CHN1: variants seen among roughly 807,000 people sequenced by gnomAD.
The protein encoded by CHN1 is chimerin 1.
In CHN1, 37 loss-of-function variants were observed where a neutral mutation model predicts 59.5. The ratio of observed to expected loss-of-function variants is 0.62; its 90% confidence interval spans 0.48 to 0.82. The LOEUF is 0.82. CHN1 is among the 40% of genes least tolerant of loss of function. The probability of loss-of-function intolerance (pLI) is 0.00; values close to 1 mark genes in which losing one functional copy is unlikely to be tolerated. For missense variants in CHN1, 469 were observed against 571.0 expected (o/e 0.82, Z 1.82); for synonymous variants, 206 against 200.4 (o/e 1.03, Z -0.24).
chr2:174,963,096 T>C (rs1268022374), intron 1 of CHN1, among the ~76,000 whole-genome samples: 2 of 152,202 alleles, frequency 1.3e-5, no homozygotes, highest in South Asian at 2.1e-4. Context: ...CACACAGAAA[T>C]GTTAAAATAA....
intron 5 of CHN1, among the ~76,000 whole-genome samples, chr2:174,906,634 A>G (rs1202378713): frequency 6.6e-6 from 1 of 151,006 alleles, no homozygotes; most frequent in East Asian, 1.9e-4. Context: ...ATATGAGAAC[A>G]TGCAAAAGCC....
At chr2:174,805,347 T>C (rs1213796198) in intron 11 of CHN1, among the ~76,000 whole-genome samples, 2 of 152,208 alleles carry the variant, frequency 1.3e-5, no homozygotes, top group African/African-American at 2.4e-5. Context: ...ATGTGCAAAC[T>C]CTAACATCCT....
chr2:174,810,432 A>G (rs759481790), intron 10 of CHN1, among the ~76,000 whole-genome samples: 3 of 152,122 alleles, frequency 2.0e-5, no homozygotes, highest in African/African-American at 7.2e-5. Flanking sequence ...TCTATACAGG[A>G]AACTGTGTCA....
intron 1 of CHN1, among the ~76,000 whole-genome samples, chr2:174,975,761 T>C (rs1415411690): frequency 6.6e-6 from 1 of 151,964 alleles, no homozygotes; most frequent in Non-Finnish European, 1.5e-5. Context: ...ATATCCCAGG[T>C]TCATACATGA....
chr2:174,945,157 A>C (rs757709079), intron 2 of CHN1: 20 of 539,908 alleles, frequency 3.7e-5, no homozygotes, highest in Non-Finnish European at 5.8e-5. Flanking sequence ...AATCCAAACA[A>C]GTGTCTTTTT....
Position 174,798,921 on chromosome 2 carries a change from A to G in CHN1, c.*1195T>C, listed in dbSNP as rs1684628828. On this transcript the variant is annotated 3_prime_UTR_variant, in exon 13 of 13. Transcript: ENST00000409900. The stretch of plus-strand genomic sequence containing the variant: ...CAGACTCTGGAGGGTTGTTGGCTCC[A>G]AGCCACACAGGTGGCCAGTGGTAGT... Among the ~76,000 whole-genome samples, 1 of 152,240 alleles carries G rather than the reference A, an allele frequency of 6.6e-6. No individual in the cohort carries two copies. The highest frequency in any genetic ancestry group is 2.4e-5 in the African/African-American group (1 of 41,470).
Position 174,847,959 on chromosome 2 carries a change from T to C in CHN1, c.550-1002A>G, listed in dbSNP as rs116110022. Among the ~76,000 whole-genome samples, 867 of 152,280 alleles carry C rather than the reference T, an allele frequency of 5.7e-3. 8 individuals carry two copies. Among genetic ancestry groups the C allele is most frequent in the African/African-American group, 0.02 (817 of 41,570 alleles). On this transcript the variant is annotated intron_variant, in intron 6 of 12. Transcript: ENST00000409900. ...AGGTAAATTATGAAAGGCTAATCTG[T>C]ATCCTTTGCTCATTATGGACTGAGG...
Position 174,802,307 on chromosome 2 carries a change from CT to C in CHN1, c.1103-496del, listed in dbSNP as rs371250742. On this transcript the variant is annotated intron_variant, in intron 11 of 12. Transcript: ENST00000409900. ...AAAGTCTTATTAATTGATATTCATA[CT>C]TTTTTCTTTTTAAACCAAAACATGT... is the stretch of plus-strand genomic sequence containing the variant. 2.6e-3 allele frequency among the ~76,000 whole-genome samples: 393 copies of C among 152,320 alleles called. 1 individual carries two copies. The highest frequency in any genetic ancestry group is 8.5e-3 in the African/African-American group (355 of 41,562).
At chr2:175,003,116 C>T (rs1691940827) in intron 1 of CHN1, among the ~76,000 whole-genome samples, 1 of 152,162 alleles carries the variant, frequency 6.6e-6, no homozygotes, top group Admixed American at 6.5e-5. Flanking sequence ...AATAGACATC[C>T]CAGATGACTG....
At chr2:174,959,998 A>G (rs1558998872) in intron 1 of CHN1, among the ~76,000 whole-genome samples, 1 of 152,146 alleles carries the variant, frequency 6.6e-6, no homozygotes, top group Non-Finnish European at 1.5e-5. Context: ...AGGAAGAGCA[A>G]TAGTGTAGTT....
intron 5 of CHN1, among the ~76,000 whole-genome samples, chr2:174,903,374 T>C (rs940252753): frequency 3.3e-5 from 5 of 152,210 alleles, no homozygotes; most frequent in African/African-American, 1.2e-4. Context: ...CTAGAGATCA[T>C]CTTTGCTGTT....
intron 1 of CHN1, among the ~76,000 whole-genome samples, chr2:174,994,386 G>A (rs1324293406): frequency 2.6e-5 from 4 of 152,158 alleles, no homozygotes; most frequent in Non-Finnish European, 4.4e-5. Context: ...ATGGATCTGG[G>A]CCTTACAGTC....
chr2:174,993,506 C>G (rs1691614253), intron 1 of CHN1, among the ~76,000 whole-genome samples: 1 of 151,250 alleles, frequency 6.6e-6, no homozygotes, highest in Non-Finnish European at 1.5e-5. Context: ...GAGATGAAAA[C>G]AGACATGTAG....
chr2:174,992,163 A>C (rs1028381291), intron 1 of CHN1, among the ~76,000 whole-genome samples: 2 of 152,224 alleles, frequency 1.3e-5, no homozygotes, highest in Non-Finnish European at 2.9e-5. Context: ...ACCAGTCTGC[A>C]AGTTAGCAGC....
intron 2 of CHN1, among the ~76,000 whole-genome samples, chr2:174,945,670 AT>A (rs199571795): frequency 4.0e-5 from 6 of 151,486 alleles, no homozygotes; most frequent in Admixed American, 2.0e-4. Context: ...TCTCTTAGAG[AT>A]TTTTTTTTCT....
At chr2:174,895,755 T>C (rs1317316102) in intron 5 of CHN1, among the ~76,000 whole-genome samples, 7 of 152,088 alleles carry the variant, frequency 4.6e-5, no homozygotes, top group Admixed American at 4.6e-4. Context: ...GCAAAGTAGG[T>C]TTCTGAAATC....
chr2:174,885,937 T>C (rs1319828769), intron 5 of CHN1, among the ~76,000 whole-genome samples: 4 of 152,256 alleles, frequency 2.6e-5, no homozygotes, highest in Non-Finnish European at 5.9e-5. Flanking sequence ...ATTTAAAAAC[T>C]AGAGTAGGCC....
intron 7 of CHN1, among the ~76,000 whole-genome samples, chr2:174,836,319 T>C (rs145900788): frequency 1.3e-5 from 2 of 152,368 alleles, no homozygotes; most frequent in East Asian, 1.9e-4. Context: ...TTGTTTAAGA[T>C]GGGAAGGTAA....
intron 1 of CHN1, among the ~76,000 whole-genome samples, chr2:174,991,417 A>G (rs558404754): frequency 6.6e-6 from 1 of 152,358 alleles, no homozygotes; most frequent in South Asian, 2.1e-4. Context: ...AACCTGGATT[A>G]TAACAAGCCC....
Sources: allele counts gnomAD v4.1 joint callset (sites outside exome capture counted in the v4.1 genomes callset), GRCh38; gene constraint gnomAD v4.1.1; transcripts MANE v1.5; gene names NCBI Gene and HGNC (gene_info 2026-07-23, HGNC 2026-07-21).